The following LHFPL3 variants were observed in gnomAD, a reference collection of about 807,000 sequenced individuals.
LHFPL3 encodes the protein LHFPL tetraspan subfamily member 3.
Under a neutral mutation model 19.3 loss-of-function variants are expected in LHFPL3, and 5 were observed. The observed-to-expected ratio is 0.26, with a 90% CI of 0.14 to 0.54. The LOEUF is 0.54. Among genes scored for constraint, LHFPL3 ranks in the 20% least tolerant of loss-of-function variants. The probability of loss-of-function intolerance (pLI) is 0.94; values close to 1 mark genes in which losing one functional copy is unlikely to be tolerated. For missense variants in LHFPL3, 249 were observed against 307.4 expected, an observed-to-expected ratio of 0.81 and a Z score of 1.42; for synonymous variants, 133 against 126.2, an observed-to-expected ratio of 1.05 and a Z score of -0.36.
At position 104,791,960 on chromosome 7, in the gene LHFPL3, T is replaced by C. The variant is rs532861738; in HGVS notation, c.682+55049T>C. ...GCTCTCAGGGATCTGAGAGTTTGCC[T>C]GAAGGAGCTTCCCTACTCCCAGTCT... On this transcript the variant is annotated intron_variant, in intron 2 of 2. Coordinates refer to ENST00000424859, the MANE Select transcript of LHFPL3 (RefSeq NM_199000.3). Among the ~76,000 whole-genome samples the C allele has an allele frequency of 2.0e-5, 3 of 152,262 alleles. No individual in the cohort carries two copies. In the South Asian group the frequency reaches 6.2e-4, roughly 32 times the overall value.
At chr7:104,372,245 T>C (rs1790630663) in intron 1 of LHFPL3, among the ~76,000 whole-genome samples, 1 of 152,208 alleles carries the variant, frequency 6.6e-6, no homozygotes, top group Non-Finnish European at 1.5e-5. Flanking sequence ...ACTTTTTCCA[T>C]GTATACGTTA....
intron 2 of LHFPL3, among the ~76,000 whole-genome samples, chr7:104,776,623 T>C (rs962823549): frequency 2.0e-5 from 3 of 152,210 alleles, no homozygotes; most frequent in African/African-American, 7.2e-5. Context: ...GTGAATCTGC[T>C]GGTCCCAAGA....
chr7:104,608,415 A>G (rs1362430969), intron 1 of LHFPL3, among the ~76,000 whole-genome samples: 2 of 147,460 alleles, frequency 1.4e-5, no homozygotes, highest in Non-Finnish European at 3.0e-5. Flanking sequence ...CAAACACCGC[A>G]TGTTCTCACT....
chr7:104,408,798 G>A (rs1018538390), intron 1 of LHFPL3, among the ~76,000 whole-genome samples: 1 of 151,778 alleles, frequency 6.6e-6, no homozygotes, highest in Non-Finnish European at 1.5e-5. Flanking sequence ...AGCAATGTCT[G>A]CCTTTTTGCT....
chr7:104,811,553 T>C lies in LHFPL3; in HGVS notation c.682+74642T>C, dbSNP rs576538457. ...TCAAGAGAGCAAGGATGGATGAGCA[T>C]ACATATATCCCCAATCCTAGAAGGG... On this transcript the variant is annotated intron_variant, in intron 2 of 2. Coordinates refer to ENST00000424859, the MANE Select transcript of LHFPL3 (RefSeq NM_199000.3). Among the ~76,000 whole-genome samples the C allele has an allele frequency of 9.9e-5, 15 of 152,198 alleles. No homozygotes were observed. In the East Asian group the frequency reaches 1.9e-3, roughly 20 times the overall value.
At chr7:104,438,899 A>C (rs1256659099) in intron 1 of LHFPL3, among the ~76,000 whole-genome samples, 1 of 152,170 alleles carries the variant, frequency 6.6e-6, no homozygotes, top group Non-Finnish European at 1.5e-5. Flanking sequence ...ATCACAAAGA[A>C]AAGGAAATAC....
chr7:104,510,571 C>G (rs1285439608), intron 1 of LHFPL3, among the ~76,000 whole-genome samples: 1 of 152,118 alleles, frequency 6.6e-6, no homozygotes, highest in East Asian at 1.9e-4. Flanking sequence ...AAATATAAAA[C>G]TGTAAAACCT....
At chr7:104,570,946 G>A (rs1216132838) in intron 1 of LHFPL3, among the ~76,000 whole-genome samples, 1 of 152,084 alleles carries the variant, frequency 6.6e-6, no homozygotes, top group Non-Finnish European at 1.5e-5. Flanking sequence ...TGGAATATTG[G>A]CTGTTATTAT....
intron 1 of LHFPL3, among the ~76,000 whole-genome samples, chr7:104,525,345 C>A (rs1584380365): frequency 6.6e-6 from 1 of 152,150 alleles, no homozygotes; most frequent in Non-Finnish European, 1.5e-5. Context: ...ATAAAATATT[C>A]AAGGGGCCTC....
chr7:104,521,158 C>T (rs1447956084), intron 1 of LHFPL3, among the ~76,000 whole-genome samples: 9 of 152,026 alleles, frequency 5.9e-5, no homozygotes, highest in Non-Finnish European at 7.4e-5. Flanking sequence ...TCTTTGTTCT[C>T]GTTGGTTTCA....
intron 2 of LHFPL3, among the ~76,000 whole-genome samples, chr7:104,871,637 C>A (rs577781802): frequency 6.6e-6 from 1 of 152,062 alleles, no homozygotes; most frequent in African/African-American, 2.4e-5. Flanking sequence ...GTAAAACACA[C>A]ACACATCGTA....
intron 1 of LHFPL3, among the ~76,000 whole-genome samples, chr7:104,496,174 G>C (rs1369059914): frequency 1.3e-5 from 2 of 151,976 alleles, no homozygotes; most frequent in Non-Finnish European, 2.9e-5. Flanking sequence ...CTGTGTCCAT[G>C]CGTTCTCGTT....
At chr7:104,332,417 GAC>G in intron 1 of LHFPL3, among the ~76,000 whole-genome samples, 1 of 151,352 alleles carries the variant, frequency 6.6e-6, no homozygotes, top group Admixed American at 6.6e-5. Context: ...TTTTAATAGA[GAC>G]AAGGTTTCAC....
chr7:104,344,730 T>C (rs1455399259), intron 1 of LHFPL3, among the ~76,000 whole-genome samples: 2 of 152,244 alleles, frequency 1.3e-5, no homozygotes, highest in Non-Finnish European at 2.9e-5. Context: ...AATAAACATA[T>C]GCATGCAAGT....
chr7:104,532,322 T>TA (rs1453116634), intron 1 of LHFPL3, among the ~76,000 whole-genome samples: 1 of 142,110 alleles, frequency 7.0e-6, no homozygotes, highest in Non-Finnish European at 1.5e-5. Context: ...TTCTGTCTTT[T>TA]TTTTTTTTTT....
chr7:104,727,352 G>A (rs1481456693), intron 1 of LHFPL3, among the ~76,000 whole-genome samples: 2 of 151,982 alleles, frequency 1.3e-5, no homozygotes, highest in Admixed American at 6.6e-5. Flanking sequence ...GTCAATTTTT[G>A]CTTTTGCTGC....
chr7:104,860,497 C>T (rs1444013666), intron 2 of LHFPL3, among the ~76,000 whole-genome samples: 2 of 152,070 alleles, frequency 1.3e-5, no homozygotes, highest in African/African-American at 2.4e-5. Context: ...CTAGGTTTCC[C>T]AGGATAGTCC....
intron 1 of LHFPL3, among the ~76,000 whole-genome samples, chr7:104,440,543 C>T (rs903175858): frequency 2.0e-5 from 3 of 151,800 alleles, no homozygotes; most frequent in African/African-American, 7.3e-5. Context: ...TGCACATGTA[C>T]CCTAGAACTT....
At chr7:104,784,391 T>G (rs1227797939) in intron 2 of LHFPL3, among the ~76,000 whole-genome samples, 1 of 152,174 alleles carries the variant, frequency 6.6e-6, no homozygotes, top group Admixed American at 6.5e-5. Context: ...TAATAATACC[T>G]CTTCAGAATG....
Sources: allele counts gnomAD v4.1 joint callset (sites outside exome capture counted in the v4.1 genomes callset), GRCh38; gene constraint gnomAD v4.1.1; transcripts MANE v1.5; gene names NCBI Gene and HGNC (gene_info 2026-07-23, HGNC 2026-07-21).